GIT1: variants seen among roughly 807,000 people sequenced by gnomAD.
GIT1 encodes the protein GIT ArfGAP 1, also known as ARF GTPase-activating protein GIT1.
Under a neutral mutation model 91.7 loss-of-function variants are expected in GIT1, and 14 were observed. That is an observed-to-expected ratio of 0.15 (90% CI 0.10 to 0.24). The LOEUF (loss-of-function observed/expected upper bound fraction) is 0.24, where lower values mean the gene tolerates loss of function less well. GIT1 is among the 10% of genes least tolerant of loss of function. The pLI, the probability that GIT1 is intolerant of heterozygous loss-of-function variation, is 1.00. For missense variants in GIT1, 717 were observed against 1,024.9 expected (o/e 0.70, Z 4.10); for synonymous variants, 414 against 418.2 (o/e 0.99, Z 0.12).
chr17:29,573,828 A>C lies in GIT1; in HGVS notation c.*874T>G, dbSNP rs1273461935. The C allele has an allele frequency of 2.6e-5, 4 of 151,746 alleles. No homozygotes were observed. Among genetic ancestry groups the C allele is most frequent in the Non-Finnish European group, 5.9e-5 (4 of 68,200 alleles). The allele number at this position is 151,746 out of a possible 1,614,324, so 9.4% of individuals were successfully genotyped here. A position where few individuals can be genotyped will look rare whatever the true frequency, so the allele number is the denominator to read the frequency against. ...AGCACACATTCCCCCTCCACGCAGG[A>C]GCAGGAGGAGATGGAGGGAAGTGGT... On this transcript the variant is annotated 3_prime_UTR_variant, in exon 20 of 20. Coordinates refer to ENST00000225394, the MANE Select transcript of GIT1 (RefSeq NM_014030.4).
intron 1 of GIT1, among the ~76,000 whole-genome samples, chr17:29,587,846 A>G (rs2150856069): frequency 6.6e-6 from 1 of 152,218 alleles, no homozygotes; most frequent in South Asian, 2.1e-4. Context: ...ATTCCATGCC[A>G]TGCTTACCCC....
Position 29,582,255 on chromosome 17 carries a change from G to C in GIT1, c.406-111C>G, listed in dbSNP as rs1253439775. On this transcript the variant is annotated intron_variant, in intron 4 of 19. Coordinates refer to ENST00000225394, the MANE Select transcript of GIT1 (RefSeq NM_014030.4). ...ACACCTAGCAGCTCCAAGGAGGCCTGCCCAAACCAGACTATGTCGGGAGGA... is the reference window on the plus strand; with the variant it reads ...ACACCTAGCAGCTCCAAGGAGGCCTCCCCAAACCAGACTATGTCGGGAGGA... 1.7e-5 allele frequency: 13 copies of C among 744,784 alleles called. 1 individual carries two copies. The South Asian group carries it at 2.0e-4, about 12-fold the overall frequency. The allele number at this position is 744,784 out of a possible 1,614,324, so 46.1% of individuals were successfully genotyped here.
intron 4 of GIT1, 83 bp downstream of exon 4, chr17:29,582,615 T>A (rs1191624842): frequency 1.1e-6 from 1 of 951,868 alleles, no homozygotes; most frequent in East Asian, 2.5e-5. Context: ...CAGGGCTCAG[T>A]GGGGACAAAG....
At position 29,575,502 on chromosome 17, in the gene GIT1, G is replaced by C. The variant is rs751167339; in HGVS notation, c.1827-32C>G. ...CCCAGGTCCAGAAAACAGAGACAAA[G>C]ATACATATAGAGAAAGACACGTTCC... On this transcript the variant is annotated intron_variant, in intron 17 of 19. Coordinates refer to ENST00000225394, the MANE Select transcript of GIT1 (RefSeq NM_014030.4). The surrounding 1 kb of genome is among the most constrained non-coding windows in gnomAD (Gnocchi z 5.5). The C allele has an allele frequency of 3.2e-6, 5 of 1,584,472 alleles. No homozygotes were observed. The highest frequency in any genetic ancestry group is 3.5e-5 in the Admixed American group (2 of 56,800).
In GIT1 at chr17:29,581,619, C is replaced by T. The variant is rs2033398063; in HGVS notation, c.718+123G>A. 1 of 770,950 alleles carries T rather than the reference C, an allele frequency of 1.3e-6. No individual in the cohort carries two copies. Among genetic ancestry groups the T allele is most frequent in the South Asian group, 1.6e-5 (1 of 64,362 alleles). 47.8% of individuals were successfully genotyped at this position (770,950 alleles called of 1,614,324 possible). A position where few individuals can be genotyped will look rare whatever the true frequency, so the allele number is the denominator to read the frequency against. Reference sequence around the variant, plus strand: ...GCAGTAATTTCACAGGAGCCAGTTGCCTAGCAACATTGCTCCCCAGCCGCT... The same window carrying T: ...GCAGTAATTTCACAGGAGCCAGTTGTCTAGCAACATTGCTCCCCAGCCGCT... On this transcript the variant is annotated intron_variant, in intron 6 of 19. Transcript: ENST00000225394. The surrounding 1 kb of genome is among the most constrained non-coding windows in gnomAD (Gnocchi z 4.8).
chr17:29,583,156 G>A, intron 2 of GIT1, 119 bp from the exon 3 acceptor site: 4 of 696,654 alleles, frequency 5.7e-6, no homozygotes, highest in South Asian at 1.6e-5. Context: ...GGGGCCTACT[G>A]TGTGCCCGCA....
Position 29,577,629 on chromosome 17 carries a change from A to C in GIT1, c.981+16T>G, listed in dbSNP as rs2033259577. 1.3e-6 allele frequency: 2 copies of C among 1,542,018 alleles called. No homozygotes were observed. On this transcript the variant is annotated intron_variant, in intron 10 of 19. Coordinates refer to ENST00000225394, the MANE Select transcript of GIT1 (RefSeq NM_014030.4). ...ATGAAGTAGACCACCCCAGGCCCCC[A>C]ATCCAGCCCCCTCACCTGATTCCGC...
chr17:29,582,679 G>A lies in GIT1; in HGVS notation c.405+19C>T. 2 of 1,531,778 alleles carry A rather than the reference G, an allele frequency of 1.3e-6. No homozygotes were observed. The highest frequency in any genetic ancestry group is 1.8e-6 in the Non-Finnish European group (2 of 1,105,610). The allele number at this position is 1,531,778 out of a possible 1,614,324, so 94.9% of individuals were successfully genotyped here. A position where few individuals can be genotyped will look rare whatever the true frequency, so the allele number is the denominator to read the frequency against. ...AAGAAGAGGAGGGGGCCACCCATCT[G>A]TTGTAGGGCCCCTCAAACCTTGCTG... On this transcript the variant is annotated intron_variant, in intron 4 of 19. Coordinates refer to ENST00000225394, the MANE Select transcript of GIT1 (RefSeq NM_014030.4).
At position 29,589,212 on chromosome 17, in the gene GIT1, GCAGCCCCCCGCCCCGCC is replaced by G. The variant is rs1388184009; in HGVS notation, c.52+98_52+114del. ...GAGGCGGGGGCCCAGCCTGGAGGCC[GCAGCCCCCCGCCCCGCC>G]CAGCCCTCCGGCCCCGCACAGCGCT... On this transcript the variant is annotated intron_variant, in intron 1 of 19. Transcript: ENST00000225394. This position sits in a 1 kb window ranked among gnomAD's most constrained non-coding sequence, Gnocchi z 5.2. 11 of 301,036 alleles carry G rather than the reference GCAGCCCCCCGCCCCGCC, an allele frequency of 3.7e-5. No homozygotes were observed. The highest frequency in any genetic ancestry group is 4.4e-5 in the Non-Finnish European group (9 of 203,248). The allele number at this position is 301,036 out of a possible 1,614,324, so 18.6% of individuals were successfully genotyped here.
chr17:29,574,724 G>A lies in GIT1; in HGVS notation c.2264C>T (p.Thr755Ile). Residue 755 changes from threonine (T) to isoleucine (I), a missense_variant, in exon 20 of 20, where the codon ACC (threonine) becomes ATC (isoleucine). By Grantham distance (89) the Thr-to-Ile change is moderately conservative (BLOSUM62 -1). Coordinates refer to ENST00000225394, the MANE Select transcript of GIT1 (RefSeq NM_014030.4). Reference protein sequence around the residue: ...AKAAKQLVTITTREKKQ With the variant: ...AKAAKQLVTIITREKKQ ...AGGTCACTGCTTCTTCTCTCGGGTG[G>A]TGATGGTGACCAGCTGCTTGGCAGC... 6.2e-7 allele frequency: 1 copy of A among 1,613,328 alleles called. No homozygotes were observed. The highest frequency in any genetic ancestry group is 8.5e-7 in the Non-Finnish European group (1 of 1,179,632).
intron 1 of GIT1, among the ~76,000 whole-genome samples, chr17:29,587,492 CCTGGGAGGAGGAG>C (rs1239241322): frequency 2.0e-5 from 3 of 152,190 alleles, no homozygotes; most frequent in Admixed American, 6.5e-5. Context: ...CAGATGAGGA[CCTGGGAGGAGGAG>C]CTGGGCAATC....
chr17:29,581,652 C>A lies in GIT1; in HGVS notation c.718+90G>T. On this transcript the variant is annotated intron_variant, in intron 6 of 19. Transcript: ENST00000225394. This position sits in a 1 kb window ranked among gnomAD's most constrained non-coding sequence, Gnocchi z 4.8. Reference sequence around the variant, plus strand: ...CATTGCTCCCCAGCCGCTCTGTCACCATGGCACCTGCTGCCGGGTGCGTCC... The same window carrying A: ...CATTGCTCCCCAGCCGCTCTGTCACAATGGCACCTGCTGCCGGGTGCGTCC... The A allele has an allele frequency of 1.0e-6, 1 of 987,468 alleles. No homozygotes were observed. Among genetic ancestry groups the A allele is most frequent in the South Asian group, 1.3e-5 (1 of 74,966 alleles). The allele number at this position is 987,468 out of a possible 1,614,324, so 61.2% of individuals were successfully genotyped here.
intron 11 of GIT1, 49 bp from the exon 12 acceptor site, chr17:29,577,045 T>C: frequency 1.2e-6 from 2 of 1,606,706 alleles, no homozygotes; most frequent in South Asian, 1.1e-5. Context: ...ACACAACCCA[T>C]CTCTCAGGTC....
At chr17:29,574,975 C>T (rs1165109763) in intron 19 of GIT1, 61 bp from the exon 20 acceptor site, 1 of 1,494,572 alleles carries the variant, frequency 6.7e-7, no homozygotes, top group African/African-American at 1.4e-5. Context: ...AGATCAGGGC[C>T]CAGTTTGTCT....
chr17:29,586,644 C>T (rs1376727681), intron 1 of GIT1, among the ~76,000 whole-genome samples: 1 of 152,202 alleles, frequency 6.6e-6, no homozygotes, highest in Non-Finnish European at 1.5e-5. Flanking sequence ...TGTCCCCGGC[C>T]TTGCTCACCA....
In GIT1 at chr17:29,582,649, A is replaced by G. The variant is rs372084120; in HGVS notation, c.405+49T>C. ...AGGAGAGGCCTTCAGAGAGTCGTGG[A>G]TGGGAAGAAGAGGAGGGGGCCACCC... On this transcript the variant is annotated intron_variant, in intron 4 of 19. Transcript: ENST00000225394. 67 of 1,250,826 alleles carry G rather than the reference A, an allele frequency of 5.4e-5. No individual in the cohort carries two copies. In the African/African-American group the frequency reaches 9.4e-4, roughly 18 times the overall value. 77.5% of individuals were successfully genotyped at this position (1,250,826 alleles called of 1,614,324 possible). A position where few individuals can be genotyped will look rare whatever the true frequency, so the allele number is the denominator to read the frequency against.
chr17:29,576,873 T>A lies in GIT1; in HGVS notation c.1217A>T (p.Asn406Ile), dbSNP rs2033225106. The change falls in exon 12 of 20, where the codon AAC becomes ATC. Residue 406 changes from asparagine to isoleucine, a missense_variant. Asn to Ile is a moderately radical substitution (Grantham distance 149, BLOSUM62 -3). Around this residue, in one of 3 missense-constraint regions of GIT1, gnomAD observed 312 missense variants for 349.5 expected, o/e 0.89. Transcript: ENST00000225394. ...PLRSTGATRSNRARSMDSSDL... is the reference protein window; with the variant it reads ...PLRSTGATRSIRARSMDSSDL... ...GGGTGGGACTCAGACCCGGGCCCGG[T>A]TGCTCCGAGTGGCGCCGGTGCTGCG... The A allele has an allele frequency of 1.3e-6, 2 of 1,575,548 alleles. No homozygotes were observed. Among genetic ancestry groups the A allele is most frequent in the African/African-American group, 1.3e-5 (1 of 74,400 alleles).
Position 29,589,014 on chromosome 17 carries a change from C to T in GIT1, c.52+313G>A, listed in dbSNP as rs947412382. ...CGGCCCTCCTGCCACCCCAGGCTGGCGCTTCCGTCGGATACAGAGATGGAG... is the reference window on the plus strand; with the variant it reads ...CGGCCCTCCTGCCACCCCAGGCTGGTGCTTCCGTCGGATACAGAGATGGAG... On this transcript the variant is annotated intron_variant, in intron 1 of 19. Coordinates refer to ENST00000225394, the MANE Select transcript of GIT1 (RefSeq NM_014030.4). The surrounding 1 kb of genome is among the most constrained non-coding windows in gnomAD (Gnocchi z 5.2). Among the ~76,000 whole-genome samples the T allele has an allele frequency of 7.2e-5, 11 of 152,226 alleles. No homozygotes were observed. The highest frequency in any genetic ancestry group is 1.3e-4 in the Non-Finnish European group (9 of 68,030).
chr17:29,589,486 C>CCCGGCGAGGCT lies in GIT1; in HGVS notation c.-119_-109dup, dbSNP rs1415567818. Reference sequence around the variant, plus strand: ...CTGCCCGGCCCGGCTCCGGCGAGGCCCCGGCGAGGCTCCGCGCGCCCGGCC... The same window carrying CCCGGCGAGGCT: ...CTGCCCGGCCCGGCTCCGGCGAGGCCCCGGCGAGGCTCCGGCGAGGCTCCGCGCGCCCGGCC... On this transcript the variant is annotated 5_prime_UTR_variant, in exon 1 of 20. Transcript: ENST00000225394. The surrounding 1 kb of genome is among the most constrained non-coding windows in gnomAD (Gnocchi z 5.2). The CCCGGCGAGGCT allele has an allele frequency of 6.4e-6, 2 of 314,202 alleles. No individual in the cohort carries two copies. The highest frequency in any genetic ancestry group is 1.7e-4 in the East Asian group (1 of 5,740). The allele number at this position is 314,202 out of a possible 1,614,324, so 19.5% of individuals were successfully genotyped here. A position where few individuals can be genotyped will look rare whatever the true frequency, so the allele number is the denominator to read the frequency against.
Sources: allele counts gnomAD v4.1 joint callset (sites outside exome capture counted in the v4.1 genomes callset), GRCh38; gene constraint gnomAD v4.1.1; regional missense constraint gnomAD v4.1.1; non-coding constraint Gnocchi (gnomAD v3.1); transcripts MANE v1.5; gene names NCBI Gene and HGNC (gene_info 2026-07-23, HGNC 2026-07-21).